PIK3C2G: variants seen among roughly 807,000 people sequenced by gnomAD.
PIK3C2G encodes the protein phosphatidylinositol-4-phosphate 3-kinase catalytic subunit type 2 gamma.
Under a neutral mutation model 181.1 loss-of-function variants are expected in PIK3C2G, and 168 were observed. The observed-to-expected ratio is 0.93, with a 90% CI of 0.82 to 1.05. PIK3C2G has a LOEUF of 1.05. Ranked by LOEUF, PIK3C2G falls within the 50% of genes least tolerant of loss-of-function variation. PIK3C2G has a pLI of 0.00. For missense variants in PIK3C2G, 1,869 were observed against 1,732.8 expected (o/e 1.08, Z -1.40); for synonymous variants, 573 against 592.2 (o/e 0.97, Z 0.47).
chr12:18,584,195 T>C (rs182216984), intron 29 of PIK3C2G, among the ~76,000 whole-genome samples: 3,365 of 140,340 alleles, frequency 0.024, 97 homozygotes, highest in African/African-American at 0.076. Context: ...GCCCAGCTAA[T>C]TTTTTTTTTT....
chr12:18,640,948 T>TA (rs1217759050), intron 32 of PIK3C2G, among the ~76,000 whole-genome samples: 1 of 152,094 alleles, frequency 6.6e-6, no homozygotes, highest in African/African-American at 2.4e-5. Flanking sequence ...TTTGAAAAAC[T>TA]AAAAAAATAA....
chr12:18,255,543 A>G (rs1051910549), intron 1 of PIK3C2G, among the ~76,000 whole-genome samples: 4 of 152,220 alleles, frequency 2.6e-5, no homozygotes, highest in African/African-American at 7.2e-5. Flanking sequence ...TTTCCTCACT[A>G]TCTCCCAACT....
At chr12:18,642,625 C>T (rs932768663) in intron 32 of PIK3C2G, among the ~76,000 whole-genome samples, 1 of 152,138 alleles carries the variant, frequency 6.6e-6, no homozygotes, top group African/African-American at 2.4e-5. Flanking sequence ...GGACTCACAC[C>T]ACACTTATAA....
chr12:18,648,239 ACT>A lies in PIK3C2G; in HGVS notation c.*212_*213del. ...ATAATCTTTTCTCCTTCAGTGGAGT[ACT>A]GATTGCATGAAATTTGATGTGTAAA... On this transcript the variant is annotated 3_prime_UTR_variant, in exon 33 of 33. Transcript: ENST00000538779. 3.2e-6 allele frequency: 1 copy of A among 308,412 alleles called. No homozygotes were observed. Among genetic ancestry groups the A allele is most frequent in the East Asian group, 4.7e-5 (1 of 21,334 alleles). The allele number at this position is 308,412 out of a possible 1,614,324, so 19.1% of individuals were successfully genotyped here.
At chr12:18,435,483 C>T (rs1474466853) in intron 18 of PIK3C2G, among the ~76,000 whole-genome samples, 2 of 152,082 alleles carry the variant, frequency 1.3e-5, no homozygotes, top group Non-Finnish European at 2.9e-5. Context: ...GGGTAACCTC[C>T]AGCTGGTTAG....
rs574934069 is a variant in PIK3C2G at position 18,621,816 on chromosome 12, G to A, written c.4182+12187G>A. On this transcript the variant is annotated intron_variant, in intron 31 of 32. Transcript: ENST00000538779. ...CTTAAACTGATGTGAAATGAAGTAC[G>A]AGACCGTGCTAATTTAATTCATAAA... Among the ~76,000 whole-genome samples the A allele has an allele frequency of 6.6e-5, 10 of 151,704 alleles. No homozygotes were observed. The East Asian group carries it at 1.4e-3, about 21-fold the overall frequency.
At chr12:18,647,509 T>G (rs761353539) in intron 32 of PIK3C2G, among the ~76,000 whole-genome samples, 1 of 151,986 alleles carries the variant, frequency 6.6e-6, no homozygotes, top group African/African-American at 2.4e-5. Context: ...AGAAGAATGA[T>G]GTTCTCTTTT....
At chr12:18,339,575 C>CT (rs1302929888) in intron 9 of PIK3C2G, among the ~76,000 whole-genome samples, 1 of 152,072 alleles carries the variant, frequency 6.6e-6, no homozygotes, top group Non-Finnish European at 1.5e-5. Context: ...AATTCTACTA[C>CT]TTTTGAATAT....
chr12:18,479,945 AATATGAG>A (rs1371992475), intron 18 of PIK3C2G, among the ~76,000 whole-genome samples: 1 of 152,196 alleles, frequency 6.6e-6, no homozygotes, highest in Non-Finnish European at 1.5e-5. Context: ...TCCCACTGAG[AATATGAG>A]TATAATTATA....
chr12:18,680,812 C>G, the PIK3C2G span, among the ~76,000 whole-genome samples: 1 of 151,924 alleles, frequency 6.6e-6, no homozygotes, highest in African/African-American at 2.4e-5. Flanking sequence ...ATTAAATGAT[C>G]TGGGGGAGAT....
At chr12:18,499,487 G>A (rs1941257303) in intron 22 of PIK3C2G, among the ~76,000 whole-genome samples, 2 of 152,178 alleles carry the variant, frequency 1.3e-5, no homozygotes, top group Admixed American at 6.5e-5. Flanking sequence ...CATTATTGCT[G>A]AGTATCATTC....
chr12:18,280,631 A>G (rs1949171105), intron 1 of PIK3C2G, among the ~76,000 whole-genome samples: 1 of 151,990 alleles, frequency 6.6e-6, no homozygotes. Flanking sequence ...AGGAACTTCC[A>G]AGTCAACTGA....
At chr12:18,317,764 A>C (rs1001106984) in intron 6 of PIK3C2G, among the ~76,000 whole-genome samples, 1 of 152,182 alleles carries the variant, frequency 6.6e-6, no homozygotes, top group Non-Finnish European at 1.5e-5. Context: ...AAAAGCAAAA[A>C]TTCTGGTTTC....
chr12:18,714,119 C>A, the PIK3C2G span, among the ~76,000 whole-genome samples: 16 of 152,104 alleles, frequency 1.1e-4, no homozygotes, highest in Admixed American at 5.9e-4. Context: ...AGGTCATTTG[C>A]CCCAAACTAC....
At chr12:18,463,293 C>A (rs1948021594) in intron 18 of PIK3C2G, among the ~76,000 whole-genome samples, 2 of 152,170 alleles carry the variant, frequency 1.3e-5, no homozygotes, top group Non-Finnish European at 2.9e-5. Flanking sequence ...ATTTTAGTAA[C>A]ATATCTAATG....
intron 3 of PIK3C2G, among the ~76,000 whole-genome samples, chr12:18,289,637 C>T (rs1018502618): frequency 1.6e-4 from 24 of 152,220 alleles, no homozygotes; most frequent in African/African-American, 5.8e-4. Context: ...GTTTGGGGAA[C>T]CCTCCACAGA....
At chr12:18,591,931 G>A (rs1947104331) in intron 29 of PIK3C2G, among the ~76,000 whole-genome samples, 1 of 151,830 alleles carries the variant, frequency 6.6e-6, no homozygotes, top group Non-Finnish European at 1.5e-5. Context: ...TATTTAGCAG[G>A]TACAATCGAC....
chr12:18,382,430 C>T (rs555111107), intron 14 of PIK3C2G, among the ~76,000 whole-genome samples: 1 of 152,258 alleles, frequency 6.6e-6, no homozygotes, highest in African/African-American at 2.4e-5. Flanking sequence ...TTACTGCTGA[C>T]AGCTCCTTAT....
the PIK3C2G span, chr12:18,719,529 C>T: frequency 6.3e-7 from 1 of 1,592,934 alleles, no homozygotes; most frequent in Non-Finnish European, 8.6e-7. Flanking sequence ...ATGGATGAGT[C>T]ATATCTTGAT....
Sources: gnomAD v4.1 joint callset for allele counts (sites outside exome capture counted in the v4.1 genomes callset) on GRCh38, gnomAD v4.1.1 for gene constraint, MANE v1.5 for transcripts, NCBI Gene and HGNC (gene_info 2026-07-23, HGNC 2026-07-21) for gene names.